The following CALD1 variants were observed in gnomAD, a reference collection of about 807,000 sequenced individuals.
CALD1 encodes the protein caldesmon.
Under a neutral mutation model 99.9 loss-of-function variants are expected in CALD1, and 33 were observed. That is an observed-to-expected ratio of 0.33 (90% CI 0.25 to 0.44). The LOEUF is 0.44. Among genes scored for constraint, CALD1 ranks in the 20% least tolerant of loss-of-function variants. The pLI is 1.00. For synonymous variants in CALD1, 310 were observed against 325.0 expected, an observed-to-expected ratio of 0.95 and a Z score of 0.50; for missense variants, 861 against 962.1, an observed-to-expected ratio of 0.89 and a Z score of 1.39.
At chr7:134,712,604 G>T in the CALD1 span, among the ~76,000 whole-genome samples, 2 of 152,170 alleles carry the variant, frequency 1.3e-5, no homozygotes, top group African/African-American at 4.8e-5. Flanking sequence ...AAAGATGGTG[G>T]GTTATCAATT....
intron 9 of CALD1, 130 bp from the exon 10 acceptor site, chr7:134,957,939 A>G (rs1437232919): frequency 7.3e-6 from 5 of 686,594 alleles, no homozygotes; most frequent in Non-Finnish European, 1.3e-5. Context: ...AGCTACGCAC[A>G]GTAACTCAAA....
In CALD1 at chr7:134,822,919, A is replaced by G. The variant is rs559524103; in HGVS notation, c.-129-20965A>G. Reference sequence around the variant, plus strand: ...TGCTTTAATTTATCCCTGCCTCTCCACTGTAACTAGTTTAGTACTTTACAT... The same window carrying G: ...TGCTTTAATTTATCCCTGCCTCTCCGCTGTAACTAGTTTAGTACTTTACAT... On this transcript the variant is annotated intron_variant, in intron 1 of 14. Transcript: ENST00000361675. Among the ~76,000 whole-genome samples the G allele has an allele frequency of 7.9e-5, 12 of 152,234 alleles. 2 individuals carry two copies. The South Asian group carries it at 2.1e-3, about 26-fold the overall frequency.
chr7:134,803,554 T>C (rs536387205), intron 1 of CALD1, among the ~76,000 whole-genome samples: 1 of 152,310 alleles, frequency 6.6e-6, no homozygotes, highest in South Asian at 2.1e-4. Flanking sequence ...TATTTGTGTA[T>C]GGTGTCAGAT....
At chr7:134,780,509 C>A (rs929333207) in intron 1 of CALD1, among the ~76,000 whole-genome samples, 4 of 152,040 alleles carry the variant, frequency 2.6e-5, no homozygotes, top group African/African-American at 9.7e-5. Flanking sequence ...GAAAGTGTGC[C>A]TGAGTGTGTC....
chr7:134,773,554 C>T (rs1302976208), intron 1 of CALD1, among the ~76,000 whole-genome samples: 2 of 152,100 alleles, frequency 1.3e-5, no homozygotes, highest in East Asian at 1.9e-4. Context: ...CATGAACCAC[C>T]GTGCCCAGTT....
the CALD1 span, among the ~76,000 whole-genome samples, chr7:134,722,180 C>T: frequency 6.6e-6 from 1 of 152,204 alleles, no homozygotes; most frequent in African/African-American, 2.4e-5. Flanking sequence ...TTAAAGCTCA[C>T]CAGGAGTCAA....
chr7:134,910,030 T>C (rs1013706474), intron 3 of CALD1, among the ~76,000 whole-genome samples: 2 of 152,218 alleles, frequency 1.3e-5, no homozygotes, highest in African/African-American at 2.4e-5. Context: ...CAATGTCATT[T>C]TGGAGTTAGG....
chr7:134,746,899 T>G (rs1796639382), intron 1 of CALD1, among the ~76,000 whole-genome samples: 1 of 152,236 alleles, frequency 6.6e-6, no homozygotes, highest in Non-Finnish European at 1.5e-5. Flanking sequence ...TAGCTGAAAC[T>G]ATTTCTAAGC....
At chr7:134,828,869 A>G (rs1799110751) in intron 1 of CALD1, among the ~76,000 whole-genome samples, 1 of 152,208 alleles carries the variant, frequency 6.6e-6, no homozygotes, top group South Asian at 2.1e-4. Flanking sequence ...ACAGCTAATA[A>G]TTATTCATCT....
intron 3 of CALD1, among the ~76,000 whole-genome samples, chr7:134,906,670 G>GT (rs774723343): frequency 4.3e-4 from 66 of 152,220 alleles, no homozygotes; most frequent in Non-Finnish European, 6.9e-4. Flanking sequence ...ATGATTTTTA[G>GT]TTTTTTTAGC....
In CALD1 at chr7:134,947,493, GCC is replaced by G. The variant is rs771083508; in HGVS notation, c.1533-10_1533-9del. On this transcript the variant is annotated splice_polypyrimidine_tract_variant and intron_variant, in intron 7 of 14. Transcript: ENST00000361675. ...AAAAGCATGTAAACCCCTTTCCATT[GCC>G]CCCCAACCACAGCCGCCCTGGAGGG... 6.4e-7 allele frequency: 1 copy of G among 1,563,956 alleles called. No homozygotes were observed. Among genetic ancestry groups the G allele is most frequent in the African/African-American group, 1.4e-5 (1 of 73,452 alleles).
intron 1 of CALD1, among the ~76,000 whole-genome samples, chr7:134,823,748 T>A (rs866300351): frequency 1.3e-5 from 2 of 152,212 alleles, no homozygotes; most frequent in Admixed American, 6.5e-5. Context: ...TGTCTGACTT[T>A]GAAAAAAATA....
intron 1 of CALD1, among the ~76,000 whole-genome samples, chr7:134,787,854 AATTGT>A (rs1406918683): frequency 6.6e-6 from 1 of 152,182 alleles, no homozygotes; most frequent in Non-Finnish European, 1.5e-5. Context: ...AGAATGTCAA[AATTGT>A]TACTATATTT....
At chr7:134,858,719 G>A (rs1043855534) in intron 2 of CALD1, among the ~76,000 whole-genome samples, 7 of 151,988 alleles carry the variant, frequency 4.6e-5, no homozygotes, top group South Asian at 2.1e-4. Flanking sequence ...ACAGGTGTGC[G>A]CCACCACACC....
chr7:134,713,601 G>A, the CALD1 span, among the ~76,000 whole-genome samples: 7 of 152,128 alleles, frequency 4.6e-5, no homozygotes, highest in Admixed American at 2.6e-4. Context: ...TGGAAAACAT[G>A]ACATAATAAA....
At chr7:134,872,106 G>A (rs958820498) in intron 3 of CALD1, among the ~76,000 whole-genome samples, 6 of 152,140 alleles carry the variant, frequency 3.9e-5, no homozygotes, top group African/African-American at 7.2e-5. Flanking sequence ...AGTGGCTCAC[G>A]CCTGTAATCC....
chr7:134,761,991 T>C (rs1054424767), intron 1 of CALD1, among the ~76,000 whole-genome samples: 23 of 152,178 alleles, frequency 1.5e-4, no homozygotes, highest in African/African-American at 5.5e-4. Flanking sequence ...ACCTTCTCTG[T>C]GAGTTTCCCA....
chr7:134,905,710 T>C (rs1803319385), intron 3 of CALD1, among the ~76,000 whole-genome samples: 1 of 152,060 alleles, frequency 6.6e-6, no homozygotes, highest in East Asian at 1.9e-4. Context: ...CTTTGAGTTC[T>C]ATAACTCTTT....
chr7:134,848,701 A>G (rs1337397512), intron 2 of CALD1, among the ~76,000 whole-genome samples: 1 of 152,218 alleles, frequency 6.6e-6, no homozygotes, highest in East Asian at 1.9e-4. Context: ...CCATAAGTAT[A>G]TGATACCATG....
Sources: allele counts gnomAD v4.1 joint callset (sites outside exome capture counted in the v4.1 genomes callset), GRCh38; gene constraint gnomAD v4.1.1; transcripts MANE v1.5; gene names NCBI Gene and HGNC (gene_info 2026-07-23, HGNC 2026-07-21).